Variants in COA1 observed in about 807,000 individuals in gnomAD.
COA1 encodes the protein cytochrome c oxidase assembly factor 1 homolog.
A neutral mutation model predicts 16.0 loss-of-function variants in COA1; 13 were observed. The observed-to-expected ratio is 0.81, with a 90% confidence interval of 0.53 to 1.29. The LOEUF (loss-of-function observed/expected upper bound fraction) is 1.29, where lower values mean the gene tolerates loss of function less well. COA1 is among the 50% of genes most tolerant of loss of function. COA1 has a pLI of 0.00. For synonymous variants in COA1, 65 were observed against 65.7 expected (o/e 0.99, Z 0.05); for missense variants, 179 against 177.0 (o/e 1.01, Z -0.06).
intron 1 of COA1, among the ~76,000 whole-genome samples, chr7:43,719,948 G>C (rs1015389636): frequency 6.6e-6 from 1 of 152,050 alleles, no homozygotes; most frequent in Non-Finnish European, 1.5e-5. Context: ...GAATGTTGTG[G>C]GTCAAGTTAA....
At chr7:43,721,793 A>T (rs976101444) in intron 1 of COA1, among the ~76,000 whole-genome samples, 3 of 152,124 alleles carry the variant, frequency 2.0e-5, no homozygotes, top group African/African-American at 7.2e-5. Flanking sequence ...TAAAAAAAAA[A>T]CAAGGTAAGA....
At chr7:43,637,186 T>C (rs938889801), downstream of COA1, among the ~76,000 whole-genome samples, 6 of 152,202 alleles carry the variant, frequency 3.9e-5, no homozygotes, top group Non-Finnish European at 7.3e-5. Flanking sequence ...CTGATATCTC[T>C]CTTTTCTACA....
chr7:43,709,962 G>C (rs2095159470), intron 1 of COA1, among the ~76,000 whole-genome samples: 1 of 152,112 alleles, frequency 6.6e-6, no homozygotes, highest in African/African-American at 2.4e-5. Flanking sequence ...TTAACATCCT[G>C]CAAGGCTAAA....
downstream of COA1, among the ~76,000 whole-genome samples, chr7:43,635,373 GC>G (rs927560969): frequency 5.9e-5 from 9 of 152,108 alleles, no homozygotes; most frequent in African/African-American, 1.2e-4. Context: ...GTAACAAATA[GC>G]CCCCCATCTT....
chr7:43,721,969 G>A (rs1189755715), intron 1 of COA1, among the ~76,000 whole-genome samples: 4 of 152,074 alleles, frequency 2.6e-5, no homozygotes, highest in African/African-American at 9.7e-5. Flanking sequence ...TATGGATGTA[G>A]AAGTGTTTCT....
intron 4 of COA1, 56 bp downstream of exon 4, chr7:43,645,195 G>GACTCT: frequency 6.4e-7 from 1 of 1,567,304 alleles, no homozygotes; most frequent in East Asian, 2.3e-5. Context: ...GGAGACAGTA[G>GACTCT]ACTCTCCTCT....
At position 43,653,095 on chromosome 7, in the gene COA1, G is replaced by A. The variant is rs1430881267; in HGVS notation, c.-38-4443C>T. 5.3e-5 allele frequency among the ~76,000 whole-genome samples: 8 copies of A among 152,190 alleles called. No individual in the cohort carries two copies. The East Asian group carries it at 7.7e-4, about 15-fold the overall frequency. Reference sequence around the variant, plus strand: ...TGGGAGGCCGAGGCGGGTGGATCACGAGGTCAGGAGATCGAGACCATCCTG... The same window carrying A: ...TGGGAGGCCGAGGCGGGTGGATCACAAGGTCAGGAGATCGAGACCATCCTG... On this transcript the variant is annotated intron_variant, in intron 1 of 5. Transcript: ENST00000223336.
intron 6 of COA1, chr7:43,624,522 C>G (rs1188456105): frequency 1.9e-6 from 3 of 1,609,566 alleles, no homozygotes; most frequent in African/African-American, 1.3e-5. Context: ...TTACAGAGAT[C>G]GAGCCACTGC....
chr7:43,664,129 G>GAGAGAGAGAGAGAGAGAGAGAGTC (rs1563303333), intron 1 of COA1, among the ~76,000 whole-genome samples: 1 of 148,910 alleles, frequency 6.7e-6, no homozygotes, highest in Non-Finnish European at 1.5e-5. Flanking sequence ...GAGAGAGAGA[G>GAGAGAGAGAGAGAGAGAGAGAGTC]AGTCTTGCTA....
intron 1 of COA1, chr7:43,658,612 C>T (rs1304044473): frequency 6.6e-6 from 1 of 152,230 alleles, no homozygotes; most frequent in Admixed American, 6.5e-5. Flanking sequence ...ACTCCTACCT[C>T]TCGCCAGTGT....
chr7:43,720,532 G>C (rs888954605), intron 1 of COA1, among the ~76,000 whole-genome samples: 2 of 151,858 alleles, frequency 1.3e-5, no homozygotes, highest in African/African-American at 4.8e-5. Flanking sequence ...TTTTAAAAAT[G>C]GCTGCTGTGT....
chr7:43,621,318 G>A (rs1360299775), intron 6 of COA1, among the ~76,000 whole-genome samples: 1 of 152,202 alleles, frequency 6.6e-6, no homozygotes, highest in Admixed American at 6.5e-5. Context: ...TGACTTAATA[G>A]TGTTTCTTTA....
chr7:43,722,124 T>C (rs2095518780), intron 1 of COA1, among the ~76,000 whole-genome samples: 2 of 148,698 alleles, frequency 1.3e-5, no homozygotes, highest in South Asian at 4.3e-4. Flanking sequence ...AGGGTCTCAC[T>C]CTGTCACTCA....
chr7:43,696,068 A>G (rs1425901263), intron 1 of COA1, among the ~76,000 whole-genome samples: 1 of 152,244 alleles, frequency 6.6e-6, no homozygotes, highest in Non-Finnish European at 1.5e-5. Context: ...AGAGCAAGTC[A>G]CATCTCACAT....
intron 1 of COA1, among the ~76,000 whole-genome samples, chr7:43,690,159 G>T (rs1005357145): frequency 1.3e-5 from 2 of 152,148 alleles, no homozygotes; most frequent in African/African-American, 2.4e-5. Flanking sequence ...TGGTGGGAAT[G>T]TAAATTAGTA....
At chr7:43,614,867 A>G (rs1346628236) in intron 6 of COA1, among the ~76,000 whole-genome samples, 1 of 152,226 alleles carries the variant, frequency 6.6e-6, no homozygotes, top group Non-Finnish European at 1.5e-5. Context: ...TAGTTTTTGC[A>G]TAGTAACTAA....
At position 43,684,260 on chromosome 7, in the gene COA1, C is replaced by A. The variant is rs1333922735; in HGVS notation, c.-38-35608G>T. Among the ~76,000 whole-genome samples, 4 of 152,152 alleles carry A rather than the reference C, an allele frequency of 2.6e-5. No homozygotes were observed. The East Asian group carries it at 7.7e-4, about 29-fold the overall frequency. On this transcript the variant is annotated intron_variant, in intron 1 of 5. Coordinates refer to ENST00000223336, the MANE Select transcript of COA1 (RefSeq NM_018224.4). ...CACAGCTCACAACAGGGTTCGCACT[C>A]CTATAAGAATTCAATATAGCTGCTG...
intron 1 of COA1, among the ~76,000 whole-genome samples, chr7:43,673,028 A>G (rs917729154): frequency 6.6e-6 from 1 of 152,252 alleles, no homozygotes; most frequent in Non-Finnish European, 1.5e-5. Context: ...AAGATGGACT[A>G]AAGACTTAGA....
At chr7:43,648,708 T>C (rs2090109997) in intron 1 of COA1, 56 bp from the exon 2 acceptor site, 1 of 1,326,104 alleles carries the variant, frequency 7.5e-7, no homozygotes, top group African/African-American at 1.5e-5. Context: ...CAGTTCTCTC[T>C]AGTCTCATAC....
Sources: gnomAD v4.1 joint callset for allele counts (sites outside exome capture counted in the v4.1 genomes callset) on GRCh38, gnomAD v4.1.1 for gene constraint, MANE v1.5 for transcripts, NCBI Gene and HGNC (gene_info 2026-07-23, HGNC 2026-07-21) for gene names.